The following RORA variants were observed in gnomAD, a reference collection of about 807,000 sequenced individuals.
The protein encoded by RORA is nuclear receptor ROR-alpha.
A neutral mutation model predicts 69.5 loss-of-function variants in RORA; 7 were observed. The ratio of observed to expected loss-of-function variants is 0.10; its 90% confidence interval spans 0.06 to 0.19. The LOEUF (loss-of-function observed/expected upper bound fraction) is 0.19, where lower values mean the gene tolerates loss of function less well. RORA is among the 10% of genes least tolerant of loss of function. RORA has a pLI of 1.00. For missense variants in RORA, 457 were observed against 663.0 expected (o/e 0.69, Z 3.41); for synonymous variants, 261 against 240.8 (o/e 1.08, Z -0.78).
intron 1 of RORA, among the ~76,000 whole-genome samples, chr15:61,202,129 T>G (rs1256623407): frequency 6.6e-6 from 1 of 151,904 alleles, no homozygotes; most frequent in Non-Finnish European, 1.5e-5. Flanking sequence ...TGCCTTAGCC[T>G]CCCAAGTTGC....
rs1349548152 is a variant in RORA at position 60,491,735 on chromosome 15, A to G, written c.*5720T>C. On this transcript the variant is annotated 3_prime_UTR_variant, in exon 11 of 11. Transcript: ENST00000335670. ...TACACAAACAGACAGACAGACCCAG[A>G]AGTGAAACCAATTGCACTGTGGAGA... 1 of 151,928 alleles carries G rather than the reference A, an allele frequency of 6.6e-6. No individual in the cohort carries two copies. Among genetic ancestry groups the G allele is most frequent in the East Asian group, 1.9e-4 (1 of 5,190 alleles). 9.4% of individuals were successfully genotyped at this position (151,928 alleles called of 1,614,324 possible).
intron 1 of RORA, among the ~76,000 whole-genome samples, chr15:61,082,364 A>G (rs1023851406): frequency 1.3e-5 from 2 of 152,292 alleles, no homozygotes; most frequent in South Asian, 4.1e-4. Flanking sequence ...TGGTGGGCAC[A>G]TGTAATCCCA....
chr15:61,014,552 G>C (rs1033989716), intron 1 of RORA, among the ~76,000 whole-genome samples: 1 of 152,128 alleles, frequency 6.6e-6, no homozygotes, highest in Non-Finnish European at 1.5e-5. Flanking sequence ...ATGCTCTTCT[G>C]AATTTGTATT....
intron 1 of RORA, among the ~76,000 whole-genome samples, chr15:60,999,502 A>G (rs186466326): frequency 1.3e-4 from 20 of 152,304 alleles, no homozygotes; most frequent in African/African-American, 4.8e-4. Context: ...TTCACATGGG[A>G]AAATCTTCAT....
chr15:61,179,688 C>A (rs965675724), intron 1 of RORA, among the ~76,000 whole-genome samples: 1 of 152,044 alleles, frequency 6.6e-6, no homozygotes, highest in Non-Finnish European at 1.5e-5. Flanking sequence ...AAATGTGTGG[C>A]AAATGGACAA....
At chr15:60,683,805 C>G (rs2070695932) in intron 1 of RORA, among the ~76,000 whole-genome samples, 1 of 152,154 alleles carries the variant, frequency 6.6e-6, no homozygotes, top group Non-Finnish European at 1.5e-5. Flanking sequence ...AATATTCGGT[C>G]CAAAGCAAAG....
chr15:60,555,093 T>A (rs989678461), intron 2 of RORA, among the ~76,000 whole-genome samples: 3 of 152,162 alleles, frequency 2.0e-5, no homozygotes, highest in African/African-American at 2.4e-5. Flanking sequence ...CGTGCCCTAC[T>A]TGCCAGGCAA....
At chr15:61,115,386 C>A (rs1489361336) in intron 1 of RORA, among the ~76,000 whole-genome samples, 1 of 152,174 alleles carries the variant, frequency 6.6e-6, no homozygotes, top group Non-Finnish European at 1.5e-5. Context: ...GCCTGGCTGA[C>A]TAAGAAGACA....
intron 1 of RORA, among the ~76,000 whole-genome samples, chr15:60,920,655 A>G (rs1892014110): frequency 6.6e-6 from 1 of 152,246 alleles, no homozygotes; most frequent in Admixed American, 6.5e-5. Flanking sequence ...AGCTATTACA[A>G]TAGATATTGT....
intron 1 of RORA, among the ~76,000 whole-genome samples, chr15:61,185,094 T>C (rs1372896421): frequency 6.6e-6 from 1 of 151,566 alleles, no homozygotes; most frequent in Non-Finnish European, 1.5e-5. Context: ...ACATGGAACA[T>C]GCAGGCGTTA....
rs560245546 is a variant in RORA, at chr15:60,557,178, T to A, written c.197-25327A>T. The stretch of plus-strand genomic sequence containing the variant: ...AATAATTTTCTGCCACCTGTAGTAC[T>A]CTCTGCTTCTGTGAAGGCTGAACTT... On this transcript the variant is annotated intron_variant, in intron 2 of 10. Coordinates refer to ENST00000335670, the MANE Select transcript of RORA (RefSeq NM_134261.3). Among the ~76,000 whole-genome samples, 54 of 152,246 alleles carry A rather than the reference T, an allele frequency of 3.5e-4. 1 individual carries two copies. The highest frequency in any genetic ancestry group is 5.9e-4 in the Non-Finnish European group (40 of 68,032).
intron 2 of RORA, among the ~76,000 whole-genome samples, chr15:60,548,605 T>A (rs1595954701): frequency 1.3e-5 from 2 of 152,292 alleles, no homozygotes; most frequent in African/African-American, 4.8e-5. Flanking sequence ...GAAGTATAAC[T>A]ACTACACTTC....
intron 1 of RORA, among the ~76,000 whole-genome samples, chr15:60,825,495 G>A (rs1437343772): frequency 6.6e-6 from 1 of 152,182 alleles, no homozygotes. Context: ...AAGTTCCATA[G>A]AGGGTTTGAT....
At chr15:61,019,467 T>C (rs1895425630) in intron 1 of RORA, among the ~76,000 whole-genome samples, 1 of 152,208 alleles carries the variant, frequency 6.6e-6, no homozygotes, top group Non-Finnish European at 1.5e-5. Context: ...ATATACAATC[T>C]GTGCAATTTT....
intron 1 of RORA, among the ~76,000 whole-genome samples, chr15:60,814,863 G>A (rs2072788437): frequency 6.6e-6 from 1 of 152,148 alleles, no homozygotes; most frequent in Admixed American, 6.6e-5. Flanking sequence ...TTGCTTCTGG[G>A]TGCTTCTCAT....
chr15:60,506,970 G>C (rs188231769), intron 5 of RORA, among the ~76,000 whole-genome samples: 1 of 151,712 alleles, frequency 6.6e-6, no homozygotes, highest in Non-Finnish European at 1.5e-5. Flanking sequence ...CTGGGCAATA[G>C]AGCGAGACTC....
At chr15:60,996,412 A>T (rs533443169) in intron 1 of RORA, among the ~76,000 whole-genome samples, 1 of 152,240 alleles carries the variant, frequency 6.6e-6, no homozygotes, top group Admixed American at 6.5e-5. Flanking sequence ...GGTATATACG[A>T]TTGTCAAAAC....
intron 1 of RORA, among the ~76,000 whole-genome samples, chr15:60,795,141 C>T (rs1222083679): frequency 3.3e-5 from 5 of 152,144 alleles, no homozygotes; most frequent in African/African-American, 9.7e-5. Context: ...ATGTATGCCA[C>T]CTCAGGAACC....
At chr15:60,709,892 C>G (rs1299337342) in intron 1 of RORA, among the ~76,000 whole-genome samples, 1 of 152,180 alleles carries the variant, frequency 6.6e-6, no homozygotes, top group African/African-American at 2.4e-5. Flanking sequence ...TGAAACTGGT[C>G]TCTGGTGCCA....
Sources: allele counts gnomAD v4.1 joint callset (sites outside exome capture counted in the v4.1 genomes callset), GRCh38; gene constraint gnomAD v4.1.1; transcripts MANE v1.5; gene names NCBI Gene and HGNC (gene_info 2026-07-23, HGNC 2026-07-21).